The following CSNK1G1 variants were observed in gnomAD, a reference collection of about 807,000 sequenced individuals.
CSNK1G1 encodes the protein casein kinase 1 gamma 1.
In CSNK1G1, 22 loss-of-function variants were observed where a neutral mutation model predicts 59.6. That is an observed-to-expected ratio of 0.37 (90% confidence interval 0.26 to 0.53). The LOEUF is 0.53. Among genes scored for constraint, CSNK1G1 ranks in the 20% least tolerant of loss-of-function variants. The pLI is 0.89. For missense variants in CSNK1G1, 384 were observed against 519.5 expected (o/e 0.74, Z 2.54); for synonymous variants, 179 against 177.1 (o/e 1.01, Z -0.08).
At position 64,210,809 on chromosome 15, in the gene CSNK1G1, A is replaced by G. The variant is rs74848952; in HGVS notation, c.679+3081T>C. 0.043 allele frequency among the ~76,000 whole-genome samples: 6,525 copies of G among 152,196 alleles called. 157 individuals are homozygous for G. Among genetic ancestry groups the G allele is most frequent in the South Asian group, 0.078 (377 of 4,814 alleles). On this transcript the variant is annotated intron_variant, in intron 6 of 11. Transcript: ENST00000303052. The surrounding 1 kb of genome is among the most constrained non-coding windows in gnomAD (Gnocchi z 4.2). ...AAACCTCACGTTGAAATTTGATCCC[A>G]ATGTTCGAAGCTGGGCCAAATGGAA...
chr15:64,181,373 G>A (rs1343945302), intron 10 of CSNK1G1: 2 of 1,535,894 alleles, frequency 1.3e-6, no homozygotes, highest in South Asian at 1.2e-5. Context: ...TGGGTGCTGG[G>A]AAGTGGGAAA....
chr15:64,304,319 G>C lies in CSNK1G1; in HGVS notation c.-224-3596C>G, dbSNP rs141824307. ...AATCGCTTGAACCTGGGAGGCGGAG[G>C]GGGCAGTGGGCTGAGATCACGCCAT... On this transcript the variant is annotated intron_variant, in intron 1 of 11. Coordinates refer to ENST00000303052, the MANE Select transcript of CSNK1G1 (RefSeq NM_022048.5). 8.2e-3 allele frequency among the ~76,000 whole-genome samples: 1,235 copies of C among 150,432 alleles called. 15 individuals carry two copies. Among genetic ancestry groups the C allele is most frequent in the African/African-American group, 0.028 (1,151 of 40,812 alleles).
rs539966839 is a variant in CSNK1G1 at position 64,167,935 on chromosome 15, G to A, written c.*3996C>T. The A allele has an allele frequency of 6.6e-5, 10 of 152,278 alleles. No homozygotes were observed. The highest frequency in any genetic ancestry group is 1.4e-4 in the African/African-American group (6 of 41,542). The allele number at this position is 152,278 out of a possible 1,614,324, so 9.4% of individuals were successfully genotyped here. ...TATAATCTTTAGTAACCACTTTGAC[G>A]TTACATTATCATTGTTACATATTTC... On this transcript the variant is annotated 3_prime_UTR_variant, in exon 12 of 12. Coordinates refer to ENST00000303052, the MANE Select transcript of CSNK1G1 (RefSeq NM_022048.5).
chr15:64,219,098 G>A (rs912187484), intron 4 of CSNK1G1, among the ~76,000 whole-genome samples: 2 of 151,022 alleles, frequency 1.3e-5, no homozygotes, highest in Non-Finnish European at 1.5e-5. Flanking sequence ...CAGGTGATCC[G>A]CCCGCCTCAG....
At chr15:64,333,844 G>C (rs1461731527) in intron 1 of CSNK1G1, among the ~76,000 whole-genome samples, 1 of 152,092 alleles carries the variant, frequency 6.6e-6, no homozygotes, top group African/African-American at 2.4e-5. Flanking sequence ...AATTTAACAA[G>C]ATTTTACAAT....
intron 2 of CSNK1G1, among the ~76,000 whole-genome samples, chr15:64,263,387 C>T (rs1001530038): frequency 3.3e-5 from 5 of 152,010 alleles, no homozygotes; most frequent in Admixed American, 6.6e-5. Flanking sequence ...CGGGGTTTCG[C>T]CATGTTGGCC....
chr15:64,239,806 C>A (rs1396678381), intron 4 of CSNK1G1, among the ~76,000 whole-genome samples: 1 of 152,040 alleles, frequency 6.6e-6, no homozygotes, highest in East Asian at 1.9e-4. Context: ...TAGAAAAGAA[C>A]CAAACAGATT....
At chr15:64,199,284 G>C (rs1038691857) in intron 10 of CSNK1G1, among the ~76,000 whole-genome samples, 1 of 129,674 alleles carries the variant, frequency 7.7e-6, no homozygotes, top group Non-Finnish European at 1.7e-5. Flanking sequence ...AAAAAGAAAA[G>C]AAAAAGAGAA....
chr15:64,259,082 C>CA (rs796743149), intron 3 of CSNK1G1, 119 bp downstream of exon 3: 155 of 765,514 alleles, frequency 2.0e-4, no homozygotes, highest in Non-Finnish European at 2.6e-4. Context: ...GGATCATACA[C>CA]AAAAAAAACC....
At position 64,214,962 on chromosome 15, in the gene CSNK1G1, T is replaced by TA. The variant is rs1248028454; in HGVS notation, c.445-839dup. Among the ~76,000 whole-genome samples, 1 of 151,816 alleles carries TA rather than the reference T, an allele frequency of 6.6e-6. No individual in the cohort carries two copies. The highest frequency in any genetic ancestry group is 2.4e-5 in the African/African-American group (1 of 41,322). The stretch of plus-strand genomic sequence containing the variant: ...CCGAAACAGTTCATCGTTGTTGTTT[T>TA]AAATTTATTTTCAGATTATTTTTGT... On this transcript the variant is annotated intron_variant, in intron 5 of 11. Transcript: ENST00000303052. This position sits in a 1 kb window ranked among gnomAD's most constrained non-coding sequence, Gnocchi z 4.3.
chr15:64,284,976 T>A (rs759179101), intron 2 of CSNK1G1, among the ~76,000 whole-genome samples: 1 of 152,112 alleles, frequency 6.6e-6, no homozygotes, highest in Admixed American at 6.6e-5. Context: ...ACAAATATTT[T>A]AGAGTAGAAT....
chr15:64,321,972 TC>T (rs1896590036), intron 1 of CSNK1G1, among the ~76,000 whole-genome samples: 1 of 152,242 alleles, frequency 6.6e-6, no homozygotes, highest in Non-Finnish European at 1.5e-5. Context: ...TCTAATTGGA[TC>T]TTATCTAACA....
intron 2 of CSNK1G1, among the ~76,000 whole-genome samples, chr15:64,264,695 G>A (rs778233956): frequency 2.0e-5 from 3 of 152,168 alleles, no homozygotes; most frequent in African/African-American, 7.2e-5. Context: ...GATGTATCCC[G>A]GGGATGTTAA....
chr15:64,335,590 C>A (rs1267133591), intron 1 of CSNK1G1, among the ~76,000 whole-genome samples: 2 of 152,158 alleles, frequency 1.3e-5, no homozygotes, highest in African/African-American at 4.8e-5. Flanking sequence ...ATATTTCTTT[C>A]ATGAATATTT....
At chr15:64,335,121 C>T (rs1428954602) in intron 1 of CSNK1G1, among the ~76,000 whole-genome samples, 3 of 152,182 alleles carry the variant, frequency 2.0e-5, no homozygotes, top group Non-Finnish European at 4.4e-5. Context: ...TTTCAGAACA[C>T]ATCCTGTGTG....
intron 1 of CSNK1G1, among the ~76,000 whole-genome samples, chr15:64,354,182 G>A (rs2140500566): frequency 6.6e-6 from 1 of 152,258 alleles, no homozygotes; most frequent in East Asian, 1.9e-4. Context: ...GCAGGCGCCT[G>A]TGATCCCAGC....
intron 2 of CSNK1G1, among the ~76,000 whole-genome samples, chr15:64,282,103 A>AT (rs753133584): frequency 2.0e-5 from 3 of 149,810 alleles, no homozygotes; most frequent in African/African-American, 7.4e-5. Flanking sequence ...TTTTTTTAAC[A>AT]TTTTTTGTGG....
chr15:64,221,006 G>A lies in CSNK1G1; in HGVS notation c.293-4293C>T, dbSNP rs112686707. Among the ~76,000 whole-genome samples, 590 of 152,278 alleles carry A rather than the reference G, an allele frequency of 3.9e-3. 7 individuals carry two copies. The highest frequency in any genetic ancestry group is 0.014 in the African/African-American group (565 of 41,546). On this transcript the variant is annotated intron_variant, in intron 4 of 11. Transcript: ENST00000303052. ...CAGAACCTAAGTCCCTGATGGCTGTGGAGTAACCATGCTAATGTTGGACTT... is the reference window on the plus strand; with the variant it reads ...CAGAACCTAAGTCCCTGATGGCTGTAGAGTAACCATGCTAATGTTGGACTT...
chr15:64,309,369 A>G (rs1438652129), intron 1 of CSNK1G1, among the ~76,000 whole-genome samples: 3 of 151,076 alleles, frequency 2.0e-5, no homozygotes, highest in Non-Finnish European at 4.4e-5. Context: ...TGAGTTCTCA[A>G]TCTTGGTTTT....
Sources: gnomAD v4.1 joint callset for allele counts (sites outside exome capture counted in the v4.1 genomes callset) on GRCh38, gnomAD v4.1.1 for gene constraint, Gnocchi (gnomAD v3.1) non-coding constraint, MANE v1.5 for transcripts, NCBI Gene and HGNC (gene_info 2026-07-23, HGNC 2026-07-21) for gene names.